The following GPC5 variants were observed in gnomAD, a reference collection of about 807,000 sequenced individuals.
GPC5 encodes the protein glypican-5.
Under a neutral mutation model 53.9 loss-of-function variants are expected in GPC5, and 47 were observed. The observed-to-expected ratio is 0.87, with a 90% confidence interval of 0.69 to 1.11. GPC5 has a LOEUF of 1.11. Among genes scored for constraint, GPC5 ranks in the 50% most tolerant of loss-of-function variants. The probability of loss-of-function intolerance (pLI) is 0.00; values close to 1 mark genes in which losing one functional copy is unlikely to be tolerated. For missense variants in GPC5, 748 were observed against 713.1 expected (o/e 1.05, Z -0.56); for synonymous variants, 286 against 263.3 (o/e 1.09, Z -0.84).
intron 6 of GPC5, among the ~76,000 whole-genome samples, chr13:92,028,175 A>T (rs1034272969): frequency 9.2e-5 from 14 of 152,160 alleles, no homozygotes; most frequent in Middle Eastern, 3.2e-3. Context: ...ACATTTTTTT[A>T]AATGGTTTAT....
chr13:92,754,455 A>T (rs1874754570), intron 7 of GPC5, among the ~76,000 whole-genome samples: 1 of 152,086 alleles, frequency 6.6e-6, no homozygotes, highest in Admixed American at 6.6e-5. Context: ...CATCATAATG[A>T]CAGGATCAAA....
At chr13:92,380,700 C>T (rs1049735077) in intron 7 of GPC5, among the ~76,000 whole-genome samples, 16 of 141,472 alleles carry the variant, frequency 1.1e-4, no homozygotes, top group Admixed American at 3.1e-4. Context: ...AACCAAACAC[C>T]GCATGTTTGA....
At chr13:91,683,186 A>T (rs1051080671) in intron 2 of GPC5, among the ~76,000 whole-genome samples, 1 of 152,164 alleles carries the variant, frequency 6.6e-6, no homozygotes, top group Non-Finnish European at 1.5e-5. Flanking sequence ...CACGCAGAAG[A>T]CAATGTGAGA....
chr13:92,304,436 C>T (rs1289044361), intron 7 of GPC5, among the ~76,000 whole-genome samples: 1 of 151,972 alleles, frequency 6.6e-6, no homozygotes, highest in Non-Finnish European at 1.5e-5. Flanking sequence ...GATCTCCTGA[C>T]CTTGTGATCC....
chr13:92,286,968 T>C (rs1274406572), intron 7 of GPC5, among the ~76,000 whole-genome samples: 1 of 152,184 alleles, frequency 6.6e-6, no homozygotes, highest in Non-Finnish European at 1.5e-5. Context: ...GATGGCCATA[T>C]GCAAGCCAAC....
chr13:92,605,068 C>T (rs1262013505), intron 7 of GPC5, among the ~76,000 whole-genome samples: 3 of 152,158 alleles, frequency 2.0e-5, no homozygotes, highest in Non-Finnish European at 4.4e-5. Flanking sequence ...CACGTGAACA[C>T]TATGCAATCT....
At chr13:92,569,749 T>C (rs550823122) in intron 7 of GPC5, among the ~76,000 whole-genome samples, 7 of 152,304 alleles carry the variant, frequency 4.6e-5, no homozygotes, top group African/African-American at 1.7e-4. Flanking sequence ...CCACTGTACA[T>C]CTGCTAGAAA....
At chr13:92,308,850 T>C (rs931853437) in intron 7 of GPC5, among the ~76,000 whole-genome samples, 1 of 152,140 alleles carries the variant, frequency 6.6e-6, no homozygotes, top group African/African-American at 2.4e-5. Flanking sequence ...AAGCAAGTTA[T>C]GGTTCAATTG....
chr13:91,467,010 C>T (rs774614404), intron 2 of GPC5, among the ~76,000 whole-genome samples: 2 of 152,082 alleles, frequency 1.3e-5, no homozygotes, highest in Admixed American at 6.6e-5. Flanking sequence ...AAATCTGAAC[C>T]GGGTCCTTGC....
intron 5 of GPC5, among the ~76,000 whole-genome samples, chr13:91,832,774 C>T (rs561480241): frequency 6.6e-6 from 1 of 152,106 alleles, no homozygotes; most frequent in East Asian, 1.9e-4. Flanking sequence ...GCACTAAATG[C>T]CCACAAGAGA....
At chr13:92,455,768 A>C (rs937618859) in intron 7 of GPC5, among the ~76,000 whole-genome samples, 2 of 152,210 alleles carry the variant, frequency 1.3e-5, no homozygotes, top group Non-Finnish European at 2.9e-5. Context: ...TTAAAAGCTA[A>C]GCCAGAATTG....
chr13:92,166,041 T>G (rs1283397929), intron 7 of GPC5, among the ~76,000 whole-genome samples: 3 of 152,224 alleles, frequency 2.0e-5, no homozygotes, highest in African/African-American at 7.2e-5. Context: ...GTTTTGAAAT[T>G]CTTTTTGTGT....
intron 6 of GPC5, among the ~76,000 whole-genome samples, chr13:91,980,852 T>C (rs1306509467): frequency 6.6e-6 from 1 of 152,220 alleles, no homozygotes; most frequent in African/African-American, 2.4e-5. Flanking sequence ...ACGTAGAGTG[T>C]GCACACTTCT....
At chr13:91,904,084 C>A (rs1430616836) in intron 5 of GPC5, among the ~76,000 whole-genome samples, 3 of 151,398 alleles carry the variant, frequency 2.0e-5, no homozygotes, top group Non-Finnish European at 4.4e-5. Flanking sequence ...TGGTTACATG[C>A]AACCATTTGT....
chr13:92,787,461 T>C (rs1876279237), intron 7 of GPC5, among the ~76,000 whole-genome samples: 1 of 151,768 alleles, frequency 6.6e-6, no homozygotes, highest in African/African-American at 2.4e-5. Flanking sequence ...TGTTTATGAT[T>C]AAACTTACTT....
chr13:91,674,267 C>G (rs2035316433), intron 2 of GPC5, among the ~76,000 whole-genome samples: 1 of 151,954 alleles, frequency 6.6e-6, no homozygotes. Context: ...GCATTTGAAT[C>G]AGTAGACTAT....
At chr13:91,963,194 A>G (rs2040142729) in intron 6 of GPC5, among the ~76,000 whole-genome samples, 2 of 152,178 alleles carry the variant, frequency 1.3e-5, no homozygotes, top group Non-Finnish European at 2.9e-5. Flanking sequence ...AGAGCTGAGT[A>G]GTGCTTAGGA....
intron 7 of GPC5, among the ~76,000 whole-genome samples, chr13:92,823,450 T>G (rs975545685): frequency 4.6e-5 from 7 of 152,094 alleles, no homozygotes; most frequent in African/African-American, 1.7e-4. Context: ...GCCTAGAAAT[T>G]TATATGAAAG....
chr13:92,479,812 C>T (rs145015331), intron 7 of GPC5, among the ~76,000 whole-genome samples: 40 of 152,212 alleles, frequency 2.6e-4, no homozygotes, highest in African/African-American at 8.4e-4. Context: ...AATTATTTTT[C>T]GGAGAAAATC....
Sources: allele counts gnomAD v4.1 joint callset (sites outside exome capture counted in the v4.1 genomes callset), GRCh38; gene constraint gnomAD v4.1.1; transcripts MANE v1.5; gene names NCBI Gene and HGNC (gene_info 2026-07-23, HGNC 2026-07-21).